Variants in RECQL observed in about 807,000 individuals in gnomAD.
The protein encoded by RECQL is ATP-dependent DNA helicase Q1.
In RECQL, 73 loss-of-function variants were observed where a neutral mutation model predicts 75.8. The ratio of observed to expected loss-of-function variants is 0.96; its 90% CI spans 0.80 to 1.17. The LOEUF is 1.17. Ranked by LOEUF, RECQL falls within the 50% of genes most tolerant of loss-of-function variation. The probability of loss-of-function intolerance (pLI) is 0.00; values close to 1 mark genes in which losing one functional copy is unlikely to be tolerated. For synonymous variants in RECQL, 248 were observed against 254.4 expected (o/e 0.97, Z 0.24); for missense variants, 699 against 772.1 (o/e 0.91, Z 1.12).
At chr12:21,487,595 CCAGT>C (rs1943330202) in intron 4 of RECQL, among the ~76,000 whole-genome samples, 1 of 152,002 alleles carries the variant, frequency 6.6e-6, no homozygotes, top group African/African-American at 2.4e-5. Flanking sequence ...GGGATTTTTC[CCAGT>C]CAATTATTCT....
intron 2 of RECQL, among the ~76,000 whole-genome samples, chr12:21,492,995 T>C (rs1943441829): frequency 6.6e-6 from 1 of 152,246 alleles, no homozygotes; most frequent in Non-Finnish European, 1.5e-5. Flanking sequence ...GACCAGAAGC[T>C]GACTCAGGGA....
chr12:21,475,078 A>C, intron 10 of RECQL, 99 bp from the exon 11 acceptor site: 1 of 1,190,332 alleles, frequency 8.4e-7, no homozygotes, highest in Non-Finnish European at 1.2e-6. Flanking sequence ...GTTTTATACT[A>C]CATCTAGAAA....
chr12:21,485,205 T>A, intron 5 of RECQL, among the ~76,000 whole-genome samples: 2 of 121,970 alleles, frequency 1.6e-5, no homozygotes, highest in South Asian at 2.9e-4. Flanking sequence ...GTAAGTATAC[T>A]CTTGCAAAAA....
chr12:21,474,832 G>C lies in RECQL; in HGVS notation c.1355+9C>G. ...ATTGATAAAAGTTATAAAAAGGTAT[G>C]TGGCTTACTTGCTTATGTTTTGACA... On this transcript the variant is annotated intron_variant, in intron 11 of 14. Transcript: ENST00000444129. 6.2e-7 allele frequency: 1 copy of C among 1,611,112 alleles called. No individual in the cohort carries two copies. The highest frequency in any genetic ancestry group is 8.5e-7 in the Non-Finnish European group (1 of 1,177,914).
intron 6 of RECQL, among the ~76,000 whole-genome samples, chr12:21,481,309 C>T (rs2137365067): frequency 6.6e-6 from 1 of 152,222 alleles, no homozygotes; most frequent in South Asian, 2.1e-4. Context: ...TTTGGTCATG[C>T]TAATTTAGAT....
chr12:21,475,812 C>T lies in RECQL; in HGVS notation c.962G>A (p.Cys321Tyr), dbSNP rs150889040. Residue 321 changes from cysteine (C) to tyrosine (Y), a missense_variant, in exon 9 of 15, where the codon TGT becomes TAT. By Grantham distance (194) the Cys-to-Tyr change is radical (BLOSUM62 -2). Transcript: ENST00000444129. ...TTGTTCAGAGTCTTTCTGAGAAAAACAATATATGATTCCTGCAGTAAAATA... is the reference window on the plus strand; with the variant it reads ...TTGTTCAGAGTCTTTCTGAGAAAAATAATATATGATTCCTGCAGTAAAATA... Reference protein sequence around the residue: ...RYKGQSGIIYCFSQKDSEQVT... With the variant: ...RYKGQSGIIYYFSQKDSEQVT... The T allele has an allele frequency of 4.5e-5, 72 of 1,611,532 alleles. No homozygotes were observed. Among genetic ancestry groups the T allele is most frequent in the Admixed American group, 8.3e-5 (5 of 59,922 alleles).
In RECQL at chr12:21,483,497, T is replaced by C; in HGVS notation, c.579A>G (p.Lys193=). The change falls in exon 6 of 15, where the codon AAA becomes AAG. Residue 193 remains lysine (K), a synonymous_variant. Transcript: ENST00000444129. ...ELKLIYVTPE[K]IAKSKMFMSR... ...ACATAAACATTTTGCTTTTTGCAAT[T>C]TTCTCTGGAGTCACATAAATCAGCT... 1.9e-6 allele frequency: 3 copies of C among 1,588,752 alleles called. No homozygotes were observed. Among genetic ancestry groups the C allele is most frequent in the Non-Finnish European group, 2.6e-6 (3 of 1,173,256 alleles).
chr12:21,473,043 T>C (rs1943011546), intron 12 of RECQL, among the ~76,000 whole-genome samples: 1 of 152,164 alleles, frequency 6.6e-6, no homozygotes, highest in South Asian at 2.1e-4. Flanking sequence ...CAAAACTTCA[T>C]GTTGATAGTT....
chr12:21,477,344 TAGAA>T (rs1565565866), intron 7 of RECQL, among the ~76,000 whole-genome samples: 1 of 152,190 alleles, frequency 6.6e-6, no homozygotes, highest in Non-Finnish European at 1.5e-5. Flanking sequence ...TAAAAGGGTT[TAGAA>T]AGAAAGAAAA....
intron 10 of RECQL, among the ~76,000 whole-genome samples, 199 bp from the exon 11 acceptor site, chr12:21,475,178 A>T (rs781314636): frequency 1.3e-5 from 2 of 152,046 alleles, no homozygotes; most frequent in Admixed American, 6.6e-5. Context: ...TACTAAGTTA[A>T]AAAATGTGTC....
In RECQL at chr12:21,483,568, C is replaced by G; in HGVS notation, c.508G>C (p.Val170Leu). The G allele has an allele frequency of 1.3e-6, 2 of 1,570,768 alleles. No individual in the cohort carries two copies. The highest frequency in any genetic ancestry group is 1.7e-6 in the Non-Finnish European group (2 of 1,167,320). Reference protein sequence around the residue: ...MLNASSSKEHVKWVHAEMVNK... With the variant: ...MLNASSSKEHLKWVHAEMVNK... ...ACCATTTCAGCATGAACCCATTTAACATGCTCCTATTAAAAGAAAAAAATA... is the reference window on the plus strand; with the variant it reads ...ACCATTTCAGCATGAACCCATTTAAGATGCTCCTATTAAAAGAAAAAAATA... Residue 170 changes from valine (V) to leucine (L), a missense_variant, in exon 6 of 15, where the codon GTT (valine) becomes CTT (leucine). Physicochemically the swap from Val to Leu is conservative, Grantham distance 32. Coordinates refer to ENST00000444129, the MANE Select transcript of RECQL (RefSeq NM_002907.4).
In RECQL at chr12:21,470,364, A is replaced by C. The variant is rs577735412; in HGVS notation, c.1798-18T>G. The C allele has an allele frequency of 6.7e-7, 1 of 1,501,896 alleles. No homozygotes were observed. The highest frequency in any genetic ancestry group is 8.9e-7 in the Non-Finnish European group (1 of 1,125,332). 93.0% of individuals were successfully genotyped at this position (1,501,896 alleles called of 1,614,324 possible). On this transcript the variant is annotated intron_variant, in intron 14 of 14. Coordinates refer to ENST00000444129, the MANE Select transcript of RECQL (RefSeq NM_002907.4). ...GATTCAGCCTACAAAAAAAAAAAAA[A>C]AACAAAGCAAGCACCTTGGTAAAAA... is the stretch of plus-strand genomic sequence containing the variant.
chr12:21,498,628 C>G (rs1943551339), intron 2 of RECQL, among the ~76,000 whole-genome samples: 1 of 152,154 alleles, frequency 6.6e-6, no homozygotes, highest in Non-Finnish European at 1.5e-5. Context: ...AATCAGATAG[C>G]TACTACACTA....
chr12:21,490,161 C>G, intron 4 of RECQL, 38 bp downstream of exon 4: 1 of 1,187,222 alleles, frequency 8.4e-7, no homozygotes, highest in Non-Finnish European at 1.2e-6. Context: ...GATGACAAAG[C>G]ACTTCTTCAA....
At chr12:21,478,562 C>T (rs74069240) in intron 6 of RECQL, among the ~76,000 whole-genome samples, 118 of 152,224 alleles carry the variant, frequency 7.8e-4, no homozygotes, top group African/African-American at 2.6e-3. Flanking sequence ...TAGGAAGAGA[C>T]GAACATCACG....
In RECQL at chr12:21,470,262, C is replaced by T. The variant is rs1452921838; in HGVS notation, c.1882G>A (p.Ala628Thr). The T allele has an allele frequency of 6.2e-7, 1 of 1,609,052 alleles. No homozygotes were observed. Among genetic ancestry groups the T allele is most frequent in the Non-Finnish European group, 8.5e-7 (1 of 1,178,262 alleles). ...GAACCAGATTGCTGAAGCATGTTTGCAGCCTTCTTCTGGAAGTTGCCTGAA... is the reference window on the plus strand; with the variant it reads ...GAACCAGATTGCTGAAGCATGTTTGTAGCCTTCTTCTGGAAGTTGCCTGAA... ...KNSGNFQKKA[A>T]NMLQQSGSKN... Residue 628 changes from alanine to threonine, a missense_variant, in exon 15 of 15, where the codon GCA (alanine) becomes ACA (threonine). By Grantham distance (58) the Ala-to-Thr change is moderately conservative (BLOSUM62 0). Transcript: ENST00000444129.
intron 2 of RECQL, among the ~76,000 whole-genome samples, chr12:21,495,723 G>C (rs1943495561): frequency 6.6e-6 from 1 of 152,226 alleles, no homozygotes; most frequent in Non-Finnish European, 1.5e-5. Flanking sequence ...CTCGACTTAA[G>C]TGAGGTGATC....
intron 6 of RECQL, among the ~76,000 whole-genome samples, chr12:21,480,235 G>A (rs1943166946): frequency 6.6e-6 from 1 of 152,146 alleles, no homozygotes; most frequent in Non-Finnish European, 1.5e-5. Context: ...TAAGTACACA[G>A]TAGCTACTGG....
At chr12:21,493,259 T>C (rs528021378) in intron 2 of RECQL, among the ~76,000 whole-genome samples, 1 of 152,218 alleles carries the variant, frequency 6.6e-6, no homozygotes, top group Non-Finnish European at 1.5e-5. Flanking sequence ...TATGTCATCA[T>C]GCAGTGAAAA....
Sources: allele counts gnomAD v4.1 joint callset (sites outside exome capture counted in the v4.1 genomes callset), GRCh38; gene constraint gnomAD v4.1.1; transcripts MANE v1.5; gene names NCBI Gene and HGNC (gene_info 2026-07-23, HGNC 2026-07-21).